DNAH12: variants seen among roughly 807,000 people sequenced by gnomAD.
The protein encoded by DNAH12 is dynein axonemal heavy chain 12.
Under a neutral mutation model 371.5 loss-of-function variants are expected in DNAH12, and 285 were observed. The observed-to-expected ratio is 0.77, with a 90% CI of 0.70 to 0.85. DNAH12 has a LOEUF of 0.85. Among genes scored for constraint, DNAH12 ranks in the 40% least tolerant of loss-of-function variants. DNAH12 has a pLI of 0.00. For missense variants in DNAH12, 3,611 were observed against 3,689.4 expected (o/e 0.98, Z 0.55); for synonymous variants, 1,200 against 1,213.0 (o/e 0.99, Z 0.22).
chr3:57,472,817 C>T (rs2066406225), intron 13 of DNAH12, 146 bp from the exon 14 acceptor site: 1 of 808,174 alleles, frequency 1.2e-6, no homozygotes, highest in African/African-American at 1.8e-5. Context: ...TCACCCAAAC[C>T]AGATGGGTAT....
At chr3:57,406,902 CTTT>C (rs1192831342) in intron 40 of DNAH12, among the ~76,000 whole-genome samples, 1 of 151,464 alleles carries the variant, frequency 6.6e-6, no homozygotes, top group Non-Finnish European at 1.5e-5. Context: ...AACAAAAAAA[CTTT>C]TTTTTTATTT....
rs768578572 is a variant in DNAH12 at position 57,311,296 on chromosome 3, T to G, written c.10663-346A>C. On this transcript the variant is annotated intron_variant, in intron 66 of 73. Coordinates refer to ENST00000495027, the MANE Select transcript of DNAH12 (RefSeq NM_001366028.2). ...TTCACCATGTTGGCCAGACTGGTCT[T>G]GAACTCCTGACCTCAGGTGATCCAC... Among the ~76,000 whole-genome samples the G allele has an allele frequency of 3.7e-4, 56 of 152,088 alleles. 1 individual carries two copies. Among genetic ancestry groups the G allele is most frequent in the Non-Finnish European group, 7.4e-4 (50 of 68,008 alleles).
intron 2 of DNAH12, among the ~76,000 whole-genome samples, chr3:57,528,291 G>C (rs904311280): frequency 2.0e-5 from 3 of 151,498 alleles, no homozygotes; most frequent in African/African-American, 7.3e-5. Context: ...GCCTCCCAAA[G>C]TGCTGGGATT....
chr3:57,440,778 G>A (rs563746180), intron 29 of DNAH12, among the ~76,000 whole-genome samples: 63 of 152,180 alleles, frequency 4.1e-4, no homozygotes, highest in South Asian at 1.7e-3. Context: ...GGTTGAGCCC[G>A]GGAGTTCAAG....
chr3:57,369,083 A>T (rs961688193), intron 55 of DNAH12, among the ~76,000 whole-genome samples: 2 of 151,396 alleles, frequency 1.3e-5, no homozygotes, highest in Non-Finnish European at 2.9e-5. Flanking sequence ...AGCTGGGCGC[A>T]GTGGTGGGTG....
intron 36 of DNAH12, among the ~76,000 whole-genome samples, chr3:57,419,775 T>C (rs1224074369): frequency 6.6e-6 from 1 of 152,180 alleles, no homozygotes; most frequent in East Asian, 1.9e-4. Flanking sequence ...CTGAAAAATA[T>C]AATGTAACTT....
At chr3:57,393,645 A>AG in intron 44 of DNAH12, among the ~76,000 whole-genome samples, 2 of 121,830 alleles carry the variant, frequency 1.6e-5, no homozygotes, top group African/African-American at 6.3e-5. Flanking sequence ...AAAAAAAAAA[A>AG]AAAAAAGAAA....
chr3:57,472,328 G>A (rs562944446), intron 14 of DNAH12, among the ~76,000 whole-genome samples: 177 of 152,162 alleles, frequency 1.2e-3, no homozygotes, highest in African/African-American at 4.0e-3. Context: ...TAATAGTTCT[G>A]ACTTTCTAAA....
chr3:57,519,519 C>G, intron 4 of DNAH12: 1 of 562,746 alleles, frequency 1.8e-6, no homozygotes, highest in Non-Finnish European at 3.3e-6. Flanking sequence ...AATGCTAAAC[C>G]AAGCCTTTGA....
At chr3:57,511,170 T>C (rs1023390578) in intron 4 of DNAH12, among the ~76,000 whole-genome samples, 191 bp from the exon 5 acceptor site, 13 of 152,320 alleles carry the variant, frequency 8.5e-5, no homozygotes, top group African/African-American at 2.9e-4. Context: ...TCTTTATTTA[T>C]GATGAATTCT....
chr3:57,295,404 T>C (rs2061212727), intron 73 of DNAH12, 121 bp downstream of exon 73: 1 of 656,356 alleles, frequency 1.5e-6, no homozygotes, highest in South Asian at 2.3e-5. Context: ...TCTATTAATG[T>C]TTATTATAAT....
chr3:57,545,322 T>A (rs1447774377), upstream of DNAH12, among the ~76,000 whole-genome samples: 1 of 151,286 alleles, frequency 6.6e-6, no homozygotes, highest in Non-Finnish European at 1.5e-5. Flanking sequence ...TTTTTTTCTT[T>A]TCTTTTTTTT....
chr3:57,519,569 A>G (rs997636792), intron 4 of DNAH12: 11 of 694,382 alleles, frequency 1.6e-5, no homozygotes, highest in Non-Finnish European at 2.6e-5. Context: ...CTCCTATTTG[A>G]AGAAGTAATC....
chr3:57,414,667 C>T (rs1003116778), intron 38 of DNAH12, among the ~76,000 whole-genome samples: 1 of 152,084 alleles, frequency 6.6e-6, no homozygotes, highest in Non-Finnish European at 1.5e-5. Flanking sequence ...CATTTGGCAG[C>T]TTTTTATAGC....
intron 14 of DNAH12, 119 bp downstream of exon 14, chr3:57,472,427 C>T: frequency 1.5e-6 from 2 of 1,292,568 alleles, no homozygotes; most frequent in South Asian, 3.1e-5. Flanking sequence ...CAGTCTCAAA[C>T]TCATATTGAC....
chr3:57,409,850 A>G (rs17058086), intron 39 of DNAH12, among the ~76,000 whole-genome samples: 3,738 of 152,278 alleles, frequency 0.025, 136 homozygotes, highest in African/African-American at 0.085. Context: ...TACATGTGAG[A>G]AACTAACCAT....
At chr3:57,373,410 G>A (rs2063217665) in intron 55 of DNAH12, among the ~76,000 whole-genome samples, 1 of 151,398 alleles carries the variant, frequency 6.6e-6, no homozygotes, top group East Asian at 1.9e-4. Context: ...CCACCTCCCA[G>A]GTTCAAGTGA....
intron 2 of DNAH12, 34 bp downstream of exon 2, chr3:57,542,667 C>A: frequency 2.0e-6 from 3 of 1,538,392 alleles, no homozygotes; most frequent in Non-Finnish European, 1.7e-6. Context: ...TACTTGAATT[C>A]CAAGCAAGAA....
chr3:57,435,249 G>A (rs1215256835), intron 30 of DNAH12, among the ~76,000 whole-genome samples: 1 of 151,692 alleles, frequency 6.6e-6, no homozygotes, highest in Non-Finnish European at 1.5e-5. Context: ...GCATGTCCCT[G>A]TAGTCCCAGC....
Sources: gnomAD v4.1 joint callset for allele counts (sites outside exome capture counted in the v4.1 genomes callset) on GRCh38, gnomAD v4.1.1 for gene constraint, MANE v1.5 for transcripts, NCBI Gene and HGNC (gene_info 2026-07-23, HGNC 2026-07-21) for gene names.